The following WWOX variants were observed in gnomAD, a reference collection of about 807,000 sequenced individuals.
WWOX encodes WW domain containing oxidoreductase.
A neutral mutation model predicts 46.2 loss-of-function variants in WWOX; 69 were observed. The ratio of observed to expected loss-of-function variants is 1.49; its 90% confidence interval spans 1.23 to 1.82. The LOEUF (loss-of-function observed/expected upper bound fraction) is 1.82. Ranked by LOEUF, WWOX falls within the 40% of genes most tolerant of loss-of-function variation. The pLI is 0.00. For missense variants in WWOX, 919 were observed against 542.6 expected (o/e 1.69, Z -6.89); for synonymous variants, 359 against 202.6 (o/e 1.77, Z -6.56).
chr16:78,698,861 C>G (rs1057392654), intron 8 of WWOX, among the ~76,000 whole-genome samples: 4 of 152,030 alleles, frequency 2.6e-5, no homozygotes, highest in Admixed American at 6.6e-5. Flanking sequence ...TAAAAACAAA[C>G]AAACCTTAAG....
intron 8 of WWOX, among the ~76,000 whole-genome samples, chr16:78,813,284 C>T (rs2051240528): frequency 6.6e-6 from 1 of 151,858 alleles, no homozygotes; most frequent in African/African-American, 2.4e-5. Context: ...CCCTTAATTT[C>T]CTTTTTTTCC....
chr16:78,327,265 C>T (rs1219858699), intron 5 of WWOX, among the ~76,000 whole-genome samples: 1 of 152,178 alleles, frequency 6.6e-6, no homozygotes, highest in Non-Finnish European at 1.5e-5. Flanking sequence ...ACTCTGTCAT[C>T]ATATGACAGG....
At chr16:78,809,970 C>G (rs1344804384) in intron 8 of WWOX, among the ~76,000 whole-genome samples, 3 of 152,198 alleles carry the variant, frequency 2.0e-5, no homozygotes, top group South Asian at 2.1e-4. Context: ...TCCTGTTCAT[C>G]TGGCAAATCT....
At chr16:78,205,705 A>C (rs964531542) in intron 5 of WWOX, among the ~76,000 whole-genome samples, 1 of 151,594 alleles carries the variant, frequency 6.6e-6, no homozygotes, top group African/African-American at 2.4e-5. Context: ...TCATTCATCT[A>C]TCCATCCATG....
chr16:78,740,777 C>G (rs2049202517), intron 8 of WWOX, among the ~76,000 whole-genome samples: 1 of 152,138 alleles, frequency 6.6e-6, no homozygotes, highest in African/African-American at 2.4e-5. Context: ...ATCTTGGTTG[C>G]AGCACTCTGT....
At chr16:78,314,096 A>C (rs75466180) in intron 5 of WWOX, among the ~76,000 whole-genome samples, 5,240 of 152,204 alleles carry the variant, frequency 0.034, 209 homozygotes, top group African/African-American at 0.094. Flanking sequence ...AATAAAAAAC[A>C]CAAAGCACTT....
chr16:78,769,067 G>C (rs182756207), intron 8 of WWOX, among the ~76,000 whole-genome samples: 2 of 152,304 alleles, frequency 1.3e-5, no homozygotes, highest in East Asian at 3.9e-4. Context: ...TTGGGTAGGC[G>C]CAGGGGCCAC....
At chr16:78,741,218 CAGAA>C (rs1597526690) in intron 8 of WWOX, among the ~76,000 whole-genome samples, 2 of 152,296 alleles carry the variant, frequency 1.3e-5, no homozygotes, top group East Asian at 1.9e-4. Context: ...AATCCTGTAA[CAGAA>C]AGCATTTACT....
chr16:78,576,978 T>C (rs1208792608), intron 8 of WWOX, among the ~76,000 whole-genome samples: 1 of 152,210 alleles, frequency 6.6e-6, no homozygotes. Context: ...TCCATGTAAT[T>C]AGTTAGCTAT....
intron 8 of WWOX, among the ~76,000 whole-genome samples, chr16:79,084,304 A>C (rs997363792): frequency 1.3e-5 from 2 of 152,232 alleles, no homozygotes; most frequent in African/African-American, 4.8e-5. Flanking sequence ...TAAATAGAGA[A>C]AATATGTAAA....
At chr16:78,250,775 T>C (rs574532819) in intron 5 of WWOX, among the ~76,000 whole-genome samples, 1 of 152,234 alleles carries the variant, frequency 6.6e-6, no homozygotes, top group South Asian at 2.1e-4. Flanking sequence ...TACAGTCCAG[T>C]GGTGGCGGTG....
At chr16:78,368,104 C>A (rs1010859166) in intron 5 of WWOX, among the ~76,000 whole-genome samples, 8 of 152,156 alleles carry the variant, frequency 5.3e-5, no homozygotes, top group African/African-American at 1.7e-4. Flanking sequence ...GCTGCTTTTT[C>A]TGCCTTTGTT....
intron 5 of WWOX, among the ~76,000 whole-genome samples, chr16:78,358,818 CTT>C (rs147762763): frequency 3.7e-3 from 543 of 144,936 alleles, no homozygotes; most frequent in Middle Eastern, 0.019. Flanking sequence ...CTCTTTCTGA[CTT>C]TTTAAAATTC....
chr16:78,587,529 C>T (rs1029437752), intron 8 of WWOX, among the ~76,000 whole-genome samples: 1 of 151,998 alleles, frequency 6.6e-6, no homozygotes, highest in African/African-American at 2.4e-5. Flanking sequence ...TGAAAACAAG[C>T]GATCACTTGG....
chr16:78,635,664 A>G (rs967755499), intron 8 of WWOX, among the ~76,000 whole-genome samples: 4 of 152,170 alleles, frequency 2.6e-5, no homozygotes, highest in African/African-American at 4.8e-5. Flanking sequence ...GCATTCACAC[A>G]GGCACTAAGA....
At chr16:78,353,190 C>T (rs1413138296) in intron 5 of WWOX, among the ~76,000 whole-genome samples, 3 of 152,196 alleles carry the variant, frequency 2.0e-5, no homozygotes, top group Non-Finnish European at 4.4e-5. Flanking sequence ...ATCTTAGCAA[C>T]TCTTCATTGC....
At chr16:78,494,869 A>G (rs2084872708) in intron 8 of WWOX, among the ~76,000 whole-genome samples, 1 of 152,170 alleles carries the variant, frequency 6.6e-6, no homozygotes, top group Non-Finnish European at 1.5e-5. Context: ...TTCATCGCAC[A>G]GTGACAGCCC....
At chr16:78,806,052 A>G (rs62038647) in intron 8 of WWOX, among the ~76,000 whole-genome samples, 6,712 of 152,328 alleles carry the variant, frequency 0.044, 184 homozygotes, top group Admixed American at 0.064. Flanking sequence ...GGCTCTAGAT[A>G]GATCTTAGCA....
chr16:78,354,942 G>T (rs1184355125), intron 5 of WWOX, among the ~76,000 whole-genome samples: 2 of 152,004 alleles, frequency 1.3e-5, no homozygotes, highest in Non-Finnish European at 2.9e-5. Flanking sequence ...AAGACTACTG[G>T]GCAACATGGT....
Sources: gnomAD v4.1 joint callset for allele counts (sites outside exome capture counted in the v4.1 genomes callset) on GRCh38, gnomAD v4.1.1 for gene constraint, MANE v1.5 for transcripts, NCBI Gene and HGNC (gene_info 2026-07-23, HGNC 2026-07-21) for gene names.